The following MSRA variants were observed in gnomAD, a reference collection of about 807,000 sequenced individuals.
The protein encoded by MSRA is mitochondrial peptide methionine sulfoxide reductase.
A neutral mutation model predicts 31.3 loss-of-function variants in MSRA; 54 were observed. The ratio of observed to expected loss-of-function variants is 1.73; its 90% CI spans 1.39 to 2.17. The LOEUF (loss-of-function observed/expected upper bound fraction) is 2.17. Ranked by LOEUF, MSRA falls within the 30% of genes most tolerant of loss-of-function variation. The pLI is 0.00. For missense variants in MSRA, 507 were observed against 300.9 expected, an observed-to-expected ratio of 1.69 and a Z score of -5.07; for synonymous variants, 169 against 116.5, an observed-to-expected ratio of 1.45 and a Z score of -2.90.
intron 5 of MSRA, among the ~76,000 whole-genome samples, chr8:10,395,558 C>G (rs1563431801): frequency 6.6e-6 from 1 of 152,168 alleles, no homozygotes; most frequent in Non-Finnish European, 1.5e-5. Context: ...GAAGCAGGCA[C>G]TGATGTTCGA....
chr8:10,234,953 C>A (rs543599413), intron 2 of MSRA, among the ~76,000 whole-genome samples: 30 of 151,956 alleles, frequency 2.0e-4, no homozygotes, highest in Non-Finnish European at 3.4e-4. Context: ...AAAGAGAAAT[C>A]AAAAAATTCA....
At chr8:10,308,869 A>T (rs988573645) in intron 4 of MSRA, among the ~76,000 whole-genome samples, 1 of 152,222 alleles carries the variant, frequency 6.6e-6, no homozygotes, top group Non-Finnish European at 1.5e-5. Context: ...AAGCAAAGTC[A>T]GTGATGCCTA....
chr8:10,421,050 C>T (rs866986681), intron 5 of MSRA, among the ~76,000 whole-genome samples: 54 of 152,198 alleles, frequency 3.5e-4, no homozygotes, highest in African/African-American at 1.2e-3. Flanking sequence ...ATAAACGTCA[C>T]GTGTTTTGAG....
rs1344754149 is a variant in MSRA, at chr8:10,379,431, G to T, written c.544-48717G>T. Among the ~76,000 whole-genome samples, 3 of 152,242 alleles carry T rather than the reference G, an allele frequency of 2.0e-5. No homozygotes were observed. In the East Asian group the frequency reaches 5.8e-4, roughly 29 times the overall value. On this transcript the variant is annotated intron_variant, in intron 5 of 5. Coordinates refer to ENST00000317173, the MANE Select transcript of MSRA (RefSeq NM_012331.5). Reference sequence around the variant, plus strand: ...TCTTTTCTCATTTCACTCGCAGGTGGCGTCAGCAGAGGGGGAGCCCGGGCT... The same window carrying T: ...TCTTTTCTCATTTCACTCGCAGGTGTCGTCAGCAGAGGGGGAGCCCGGGCT...
intron 3 of MSRA, among the ~76,000 whole-genome samples, chr8:10,264,587 C>G (rs966073289): frequency 4.6e-5 from 7 of 152,106 alleles, no homozygotes; most frequent in African/African-American, 1.7e-4. Flanking sequence ...AGCTGGCTGT[C>G]GGGAAGGGCT....
intron 2 of MSRA, among the ~76,000 whole-genome samples, chr8:10,218,139 T>G (rs868825494): frequency 6.7e-6 from 1 of 150,122 alleles, no homozygotes; most frequent in African/African-American, 2.4e-5. Context: ...TTTATTTATT[T>G]ATTTATTTAT....
At chr8:10,296,879 C>A (rs1458380862) in intron 3 of MSRA, among the ~76,000 whole-genome samples, 1 of 152,186 alleles carries the variant, frequency 6.6e-6, no homozygotes, top group Non-Finnish European at 1.5e-5. Context: ...CTCACCACTA[C>A]CTGCTGGCAT....
intron 1 of MSRA, among the ~76,000 whole-genome samples, chr8:10,176,624 C>A (rs1480259456): frequency 1.3e-5 from 2 of 152,226 alleles, no homozygotes; most frequent in African/African-American, 2.4e-5. Context: ...TTTCTTCTTT[C>A]CCCTTTTCGT....
chr8:10,313,160 T>G (rs992301612), intron 4 of MSRA, among the ~76,000 whole-genome samples: 1 of 152,206 alleles, frequency 6.6e-6, no homozygotes, highest in Non-Finnish European at 1.5e-5. Flanking sequence ...AGAAGTGACA[T>G]ATGCTGCTTC....
At chr8:10,376,344 C>T (rs376607316) in intron 5 of MSRA, among the ~76,000 whole-genome samples, 1 of 152,312 alleles carries the variant, frequency 6.6e-6, no homozygotes, top group African/African-American at 2.4e-5. Flanking sequence ...AGCAAGGCAT[C>T]TGTAGGACTG....
chr8:10,428,060 C>T (rs1809294656), intron 5 of MSRA, 88 bp from the exon 6 acceptor site: 4 of 1,433,728 alleles, frequency 2.8e-6, no homozygotes, highest in South Asian at 2.8e-5. Flanking sequence ...CGCGTCTGCT[C>T]ACTGCAGCCC....
intron 5 of MSRA, among the ~76,000 whole-genome samples, chr8:10,413,511 A>C (rs930616738): frequency 3.3e-5 from 5 of 152,362 alleles, no homozygotes; most frequent in Middle Eastern, 6.8e-3. Flanking sequence ...AATATGTAAC[A>C]AAGAAACATG....
intron 5 of MSRA, among the ~76,000 whole-genome samples, chr8:10,324,778 A>C (rs867477128): frequency 1.3e-5 from 2 of 152,332 alleles, no homozygotes; most frequent in Middle Eastern, 6.8e-3. Context: ...AAGACCCCAT[A>C]CAAGTTAGCC....
Position 10,075,170 on chromosome 8 carries a change from A to C in MSRA, c.142+20512A>C, listed in dbSNP as rs1049540468. On this transcript the variant is annotated intron_variant, in intron 1 of 5. Transcript: ENST00000317173. ...CTGTTTTCTGTATAATGGCATTGCA[A>C]ATTTAATGAGAGCTTATTTACTTAT... 2.0e-5 allele frequency among the ~76,000 whole-genome samples: 3 copies of C among 152,194 alleles called. No homozygotes were observed. The East Asian group carries it at 5.8e-4, about 29-fold the overall frequency.
intron 1 of MSRA, among the ~76,000 whole-genome samples, chr8:10,198,972 C>A (rs1808242544): frequency 6.6e-6 from 1 of 152,198 alleles, no homozygotes; most frequent in Admixed American, 6.5e-5. Context: ...ATTGTTTTCG[C>A]AAGTTTGCCA....
At chr8:10,177,948 C>G (rs1004248438) in intron 1 of MSRA, among the ~76,000 whole-genome samples, 2 of 152,180 alleles carry the variant, frequency 1.3e-5, no homozygotes, top group Non-Finnish European at 2.9e-5. Context: ...AGTGACTTCA[C>G]TAGAATTACT....
At chr8:10,283,150 A>T (rs1185521668) in intron 3 of MSRA, among the ~76,000 whole-genome samples, 1 of 92,524 alleles carries the variant, frequency 1.1e-5, no homozygotes, top group African/African-American at 4.3e-5. Flanking sequence ...ACACACACAC[A>T]CACACACACA....
intron 1 of MSRA, among the ~76,000 whole-genome samples, chr8:10,138,772 C>T (rs977058764): frequency 6.6e-6 from 1 of 152,172 alleles, no homozygotes; most frequent in East Asian, 1.9e-4. Context: ...AACCACTCCC[C>T]TTATCTTAGT....
intron 1 of MSRA, among the ~76,000 whole-genome samples, chr8:10,063,049 T>C (rs899136599): frequency 2.0e-5 from 3 of 152,190 alleles, no homozygotes; most frequent in Non-Finnish European, 2.9e-5. Flanking sequence ...TGCCCTTCTG[T>C]TTCCAAATAC....
Sources: gnomAD v4.1 joint callset for allele counts (sites outside exome capture counted in the v4.1 genomes callset) on GRCh38, gnomAD v4.1.1 for gene constraint, MANE v1.5 for transcripts, NCBI Gene and HGNC (gene_info 2026-07-23, HGNC 2026-07-21) for gene names.